Variants in TMEM108 observed in about 807,000 individuals in gnomAD.
TMEM108 encodes the protein cancer/testis antigen 124.
Under a neutral mutation model 35.1 loss-of-function variants are expected in TMEM108, and 12 were observed. The observed-to-expected ratio is 0.34, with a 90% CI of 0.22 to 0.55. TMEM108 has a LOEUF of 0.55. Ranked by LOEUF, TMEM108 falls within the 20% of genes least tolerant of loss-of-function variation. The probability of loss-of-function intolerance (pLI) is 0.89; values close to 1 mark genes in which losing one functional copy is unlikely to be tolerated. For synonymous variants in TMEM108, 287 were observed against 308.6 expected (o/e 0.93, Z 0.73); for missense variants, 680 against 753.3 (o/e 0.90, Z 1.14).
chr3:133,320,361 A>G (rs577484513), intron 3 of TMEM108, among the ~76,000 whole-genome samples: 2 of 152,182 alleles, frequency 1.3e-5, no homozygotes, highest in East Asian at 3.9e-4. Context: ...CTGGAAATGA[A>G]AGACACACTT....
At chr3:133,057,819 T>C (rs541552348) in intron 2 of TMEM108, among the ~76,000 whole-genome samples, 1 of 152,162 alleles carries the variant, frequency 6.6e-6, no homozygotes, top group Non-Finnish European at 1.5e-5. Context: ...ATGGAGAGAT[T>C]TTATAGGCTG....
chr3:133,293,539 C>T (rs147410755), intron 3 of TMEM108, among the ~76,000 whole-genome samples: 203 of 151,950 alleles, frequency 1.3e-3, no homozygotes, highest in African/African-American at 4.6e-3. Flanking sequence ...TTCCTGGATT[C>T]GAGTGGATCT....
At chr3:133,388,334 G>A in intron 4 of TMEM108, 1 of 983,876 alleles carries the variant, frequency 1.0e-6, no homozygotes, top group Non-Finnish European at 1.2e-6. Flanking sequence ...TCACATACCT[G>A]TGACCTGTGG....
intron 3 of TMEM108, among the ~76,000 whole-genome samples, chr3:133,255,855 G>T (rs1946538434): frequency 6.6e-6 from 1 of 152,088 alleles, no homozygotes; most frequent in Admixed American, 6.5e-5. Context: ...CAGGCATGGT[G>T]GTGCACGCCT....
At chr3:133,114,523 T>C (rs1240423962) in intron 2 of TMEM108, among the ~76,000 whole-genome samples, 2 of 152,164 alleles carry the variant, frequency 1.3e-5, no homozygotes, top group African/African-American at 2.4e-5. Flanking sequence ...TTTTGACCAC[T>C]TACTTAAGAT....
intron 2 of TMEM108, among the ~76,000 whole-genome samples, chr3:133,076,348 A>G (rs764419217): frequency 6.6e-6 from 1 of 152,076 alleles, no homozygotes; most frequent in Non-Finnish European, 1.5e-5. Flanking sequence ...CTGCCTCATT[A>G]TGCATGTAAA....
At chr3:133,205,912 C>T (rs1445238987) in intron 2 of TMEM108, among the ~76,000 whole-genome samples, 1 of 152,310 alleles carries the variant, frequency 6.6e-6, no homozygotes, top group East Asian at 1.9e-4. Context: ...TGGTTCCATT[C>T]TCCCCGTCAC....
At chr3:133,051,045 G>T (rs1943399032) in intron 2 of TMEM108, among the ~76,000 whole-genome samples, 1 of 150,686 alleles carries the variant, frequency 6.6e-6, no homozygotes, top group Admixed American at 6.6e-5. Flanking sequence ...CATGATTGCT[G>T]CCTCATATGG....
chr3:133,272,893 G>A (rs1032886447), intron 3 of TMEM108, among the ~76,000 whole-genome samples: 99 of 152,294 alleles, frequency 6.5e-4, no homozygotes, highest in African/African-American at 2.3e-3. Flanking sequence ...GCAGATGCCA[G>A]GGATGCTTAA....
chr3:133,387,363 GA>G, intron 4 of TMEM108: 1 of 985,482 alleles, frequency 1.0e-6, no homozygotes, highest in African/African-American at 1.7e-5. Context: ...GTAAGTAAAT[GA>G]AATGGTGTTT....
intron 2 of TMEM108, among the ~76,000 whole-genome samples, chr3:133,204,230 A>G (rs1417972009): frequency 2.7e-5 from 4 of 149,196 alleles, no homozygotes; most frequent in Non-Finnish European, 5.9e-5. Context: ...TATTTTGTTA[A>G]TCTTTAAAAA....
At chr3:133,316,792 G>T (rs1382393915) in intron 3 of TMEM108, among the ~76,000 whole-genome samples, 1 of 152,198 alleles carries the variant, frequency 6.6e-6, no homozygotes, top group Non-Finnish European at 1.5e-5. Context: ...AGTTTGTAGT[G>T]GGCAAGACCT....
At chr3:133,388,974 T>C (rs2073193777) in intron 4 of TMEM108, 1 of 985,550 alleles carries the variant, frequency 1.0e-6, no homozygotes, top group African/African-American at 1.7e-5. Flanking sequence ...AGCACAGAGA[T>C]GGTTGGCACC....
chr3:133,258,616 TC>T (rs1181343406), intron 3 of TMEM108, among the ~76,000 whole-genome samples: 1 of 152,180 alleles, frequency 6.6e-6, no homozygotes, highest in African/African-American at 2.4e-5. Flanking sequence ...CTAGAACCAG[TC>T]AGCATTCAGA....
chr3:133,388,902 G>A (rs1203094472), intron 4 of TMEM108: 55 of 985,520 alleles, frequency 5.6e-5, no homozygotes, highest in Non-Finnish European at 6.5e-5. Context: ...AACAGAGCTG[G>A]CCCTCTGCCA....
At chr3:133,041,353 A>T (rs1453362030) in intron 1 of TMEM108, among the ~76,000 whole-genome samples, 1 of 152,076 alleles carries the variant, frequency 6.6e-6, no homozygotes, top group South Asian at 2.1e-4. Context: ...CCGTTCCTTC[A>T]CTTGGCTCAT....
chr3:133,284,441 CA>C (rs1559892150), intron 3 of TMEM108, among the ~76,000 whole-genome samples: 1 of 152,240 alleles, frequency 6.6e-6, no homozygotes, highest in African/African-American at 2.4e-5. Context: ...CTCTCTCAGG[CA>C]AACTAGTTTC....
intron 2 of TMEM108, among the ~76,000 whole-genome samples, chr3:133,226,990 A>T (rs1356530976): frequency 6.6e-6 from 1 of 152,048 alleles, no homozygotes; most frequent in Non-Finnish European, 1.5e-5. Flanking sequence ...TTTTAAAACC[A>T]TCAGATCTTG....
chr3:133,313,196 A>G (rs917406179), intron 3 of TMEM108, among the ~76,000 whole-genome samples: 4 of 150,530 alleles, frequency 2.7e-5, no homozygotes, highest in Admixed American at 2.0e-4. Flanking sequence ...AAATACATAT[A>G]TATAATTTTT....
Sources: gnomAD v4.1 joint callset for allele counts (sites outside exome capture counted in the v4.1 genomes callset) on GRCh38, gnomAD v4.1.1 for gene constraint, MANE v1.5 for transcripts, NCBI Gene and HGNC (gene_info 2026-07-23, HGNC 2026-07-21) for gene names.